TRIM36: variants seen among roughly 807,000 people sequenced by gnomAD.
TRIM36 encodes tripartite motif containing 36, also known as E3 ubiquitin-protein ligase TRIM36.
In TRIM36, 42 loss-of-function variants were observed where a neutral mutation model predicts 72.4. That is an observed-to-expected ratio of 0.58 (90% CI 0.45 to 0.75). The LOEUF is 0.75. Ranked by LOEUF, TRIM36 falls within the 30% of genes least tolerant of loss-of-function variation. The pLI, the probability that TRIM36 is intolerant of heterozygous loss-of-function variation, is 0.00. For synonymous variants in TRIM36, 315 were observed against 282.8 expected (o/e 1.11, Z -1.14); for missense variants, 913 against 857.1 (o/e 1.07, Z -0.81).
chr5:115,133,859 C>A lies in TRIM36; in HGVS notation c.1498+1G>T. 6.3e-7 allele frequency: 1 copy of A among 1,579,104 alleles called. No individual in the cohort carries two copies. Among genetic ancestry groups the A allele is most frequent in the Non-Finnish European group, 8.6e-7 (1 of 1,165,008 alleles). On this transcript the variant is annotated splice_donor_variant, in intron 8 of 9. Transcript: ENST00000513154. LOFTEE classifies it high-confidence loss of function. The stretch of plus-strand genomic sequence containing the variant: ...TTTTTTATTCCTGATATTCACCATA[C>A]CTGGAGCTGGAGGAGTATGAAGAAT...
chr5:115,150,813 C>T (rs1329330440), intron 2 of TRIM36, among the ~76,000 whole-genome samples: 1 of 152,152 alleles, frequency 6.6e-6, no homozygotes, highest in Non-Finnish European at 1.5e-5. Context: ...TTTGACCTTA[C>T]CTGGAGCTGA....
chr5:115,165,759 G>A (rs1754734531), intron 1 of TRIM36, among the ~76,000 whole-genome samples: 1 of 152,130 alleles, frequency 6.6e-6, no homozygotes, highest in Admixed American at 6.5e-5. Flanking sequence ...CAGCCACCCA[G>A]CTGTGGACTA....
intron 1 of TRIM36, among the ~76,000 whole-genome samples, chr5:115,178,804 A>G (rs1053988121): frequency 6.6e-6 from 1 of 152,212 alleles, no homozygotes; most frequent in Admixed American, 6.5e-5. Flanking sequence ...TGCCTGTAGA[A>G]CAAGAGAATT....
At chr5:115,163,475 GCTTACCCCCA>G in intron 2 of TRIM36, 33 bp downstream of exon 2, 5 of 1,528,950 alleles carry the variant, frequency 3.3e-6, no homozygotes, top group Non-Finnish European at 4.5e-6. Context: ...ATATCTATAA[GCTTACCCCCA>G]CTACCATCCC....
At chr5:115,131,005 G>T (rs1752647596) in intron 8 of TRIM36, 116 bp from the exon 9 acceptor site, 2 of 1,172,296 alleles carry the variant, frequency 1.7e-6, no homozygotes, top group Non-Finnish European at 2.3e-6. Context: ...GGAAGGAGGT[G>T]TCACACTACC....
chr5:115,126,838 G>A lies in TRIM36; in HGVS notation c.1816C>T (p.His606Tyr), dbSNP rs1356926692. The A allele has an allele frequency of 6.2e-7, 1 of 1,613,230 alleles. No homozygotes were observed. The highest frequency in any genetic ancestry group is 2.2e-5 in the East Asian group (1 of 44,870). ...CAGGCATCCTCACTTCCACTGTCAT[G>A]CCCACTGTCTTGCTCATATCTGAAA... ...VSPRYEQDSG[H>Y]DSGSEDACFD... Residue 606 changes from histidine to tyrosine, a missense_variant, in exon 10 of 10, where the codon CAT becomes TAT. Physicochemically the swap from His to Tyr is moderately conservative, Grantham distance 83 (BLOSUM62 2). Coordinates refer to ENST00000513154, the MANE Select transcript of TRIM36 (RefSeq NM_001300759.2).
In TRIM36 at chr5:115,144,685, CCTA is replaced by C. The variant is rs758628056; in HGVS notation, c.645_647del (p.Cys215_Arg216delinsTrp). On this transcript the variant is annotated inframe_deletion, in exon 4 of 10. Transcript: ENST00000513154. ...ACTTACACAGATGGCAAACTGGCCT[CCTA>C]CATAATTCACAGTACATGTTTATTC... 1 of 1,614,112 alleles carries C rather than the reference CCTA, an allele frequency of 6.2e-7. No individual in the cohort carries two copies. Among genetic ancestry groups the C allele is most frequent in the Non-Finnish European group, 8.5e-7 (1 of 1,180,002 alleles).
chr5:115,136,558 T>TAC (rs1752973688), intron 7 of TRIM36, among the ~76,000 whole-genome samples: 2 of 152,012 alleles, frequency 1.3e-5, no homozygotes. Flanking sequence ...GAAACTCACA[T>TAC]ACACTTGCCC....
At chr5:115,128,040 T>C (rs1752444339) in intron 9 of TRIM36, among the ~76,000 whole-genome samples, 1 of 147,106 alleles carries the variant, frequency 6.8e-6, no homozygotes, top group African/African-American at 2.5e-5. Flanking sequence ...ATGTTAAAAA[T>C]TTAAAAAATT....
exon 1 of TRIM36, chr5:115,180,025 C>T (rs757833675): frequency 1.2e-6 from 2 of 1,614,126 alleles, no homozygotes; most frequent in South Asian, 1.1e-5. Flanking sequence ...CTCATCTCCC[C>T]AGACTCCGAC....
At chr5:115,168,145 T>C (rs1207799264) in intron 1 of TRIM36, among the ~76,000 whole-genome samples, 1 of 152,166 alleles carries the variant, frequency 6.6e-6, no homozygotes, top group East Asian at 1.9e-4. Flanking sequence ...CAAGATGAGA[T>C]TTGGGTGTGG....
At chr5:115,152,321 A>T (rs1753936326) in intron 2 of TRIM36, among the ~76,000 whole-genome samples, 1 of 152,164 alleles carries the variant, frequency 6.6e-6, no homozygotes, top group African/African-American at 2.4e-5. Flanking sequence ...AACAAAGACA[A>T]AGAAGAAAGA....
chr5:115,179,475 G>C (rs1429621855), intron 1 of TRIM36, among the ~76,000 whole-genome samples: 1 of 152,250 alleles, frequency 6.6e-6, no homozygotes, highest in Non-Finnish European at 1.5e-5. Context: ...GCGAACGAAC[G>C]TGCTGTCCCT....
chr5:115,159,100 T>G (rs1178879341), intron 2 of TRIM36, among the ~76,000 whole-genome samples: 2 of 152,164 alleles, frequency 1.3e-5, no homozygotes, highest in Non-Finnish European at 2.9e-5. Flanking sequence ...TCAGAAAGTC[T>G]AATAAAGGAG....
chr5:115,140,058 G>C (rs1250650517), intron 5 of TRIM36, among the ~76,000 whole-genome samples: 1 of 152,128 alleles, frequency 6.6e-6, no homozygotes, highest in African/African-American at 2.4e-5. Context: ...ACAAAAATAT[G>C]AAAAAGAAAA....
At chr5:115,136,626 GAAA>G (rs962364725) in intron 7 of TRIM36, among the ~76,000 whole-genome samples, 1 of 149,230 alleles carries the variant, frequency 6.7e-6, no homozygotes. Flanking sequence ...GAAAAAAATG[GAAA>G]AAAAAAGTCT....
At chr5:115,180,135 C>A in exon 1 of TRIM36, 1 of 1,216,494 alleles carries the variant, frequency 8.2e-7, no homozygotes, top group Non-Finnish European at 1.2e-6. Flanking sequence ...TTTTGCCGAG[C>A]TCCCCGCCCA....
At chr5:115,159,478 A>G (rs1221858218) in intron 2 of TRIM36, among the ~76,000 whole-genome samples, 1 of 152,214 alleles carries the variant, frequency 6.6e-6, no homozygotes, top group African/African-American at 2.4e-5. Context: ...TTGCTTGGAA[A>G]TTTAGTCCTG....
intron 2 of TRIM36, among the ~76,000 whole-genome samples, chr5:115,151,829 G>A (rs1219329975): frequency 6.6e-6 from 1 of 152,170 alleles, no homozygotes; most frequent in Non-Finnish European, 1.5e-5. Context: ...ATAGGAAATG[G>A]GGAAGAGTAC....
Sources: gnomAD v4.1 joint callset for allele counts (sites outside exome capture counted in the v4.1 genomes callset) on GRCh38, gnomAD v4.1.1 for gene constraint, MANE v1.5 for transcripts, NCBI Gene and HGNC (gene_info 2026-07-23, HGNC 2026-07-21) for gene names.